Variants in SCYGR6 observed in about 807,000 individuals in gnomAD.
SCYGR6 encodes the protein small cysteine and glycine repeat-containing protein 6.
chr2:227,724,662 A>ACAGCCACCACCACAGCCGCCACCG (rs1696528995), exon 1 of SCYGR6: 1 of 404,020 alleles, frequency 2.5e-6, no homozygotes, highest in East Asian at 3.5e-5. Context: ...TGCAGCTGCC[A>ACAGCCACCACCACAGCCGCCACCG]CAGCCACCAC....
chr2:227,724,494 C>T, exon 1 of SCYGR6: 1 of 395,138 alleles, frequency 2.5e-6, no homozygotes. Flanking sequence ...AGCCCTTCTG[C>T]TGGCAACAGC....
exon 1 of SCYGR6, chr2:227,724,681 C>T (rs992506969): frequency 4.4e-5 from 18 of 408,844 alleles, no homozygotes; most frequent in Non-Finnish European, 6.4e-5. Context: ...ACCGCAGCCA[C>T]CACCACAGCC....
At chr2:227,724,459 T>C (rs766182149) in exon 1 of SCYGR6, 51 of 398,650 alleles carry the variant, frequency 1.3e-4, no homozygotes, top group Non-Finnish European at 2.1e-4. Flanking sequence ...GCATTGCTTC[T>C]TGCAGCAGCC....
rs558233384 is a variant in SCYGR6 at position 227,724,557 on chromosome 2, A to G, written c.201T>C (p.Cys67=). 18 of 398,146 alleles carry G rather than the reference A, an allele frequency of 4.5e-5. No individual in the cohort carries two copies. In the East Asian group the frequency reaches 5.8e-4, roughly 13 times the overall value. The allele number at this position is 398,146 out of a possible 1,614,324, so 24.7% of individuals were successfully genotyped here. Residue 67 remains cysteine (C), a synonymous_variant, in exon 1 of 1, where the codon TGT becomes TGC. Transcript: ENST00000641918. ...ATGAGTGGCAGGTGCGGCGGCAGCA[A>G]CAGATCACGGGCGTGCTGCAGCAGC...
exon 1 of SCYGR6, chr2:227,724,715 C>T: frequency 2.4e-6 from 1 of 411,628 alleles, no homozygotes; most frequent in Non-Finnish European, 4.2e-6. Flanking sequence ...CCACCGCAGC[C>T]ACCGCAGCCA....
chr2:227,724,485 GC>G lies in SCYGR6; in HGVS notation c.272del (p.Gly91AlafsTer?). The stretch of plus-strand genomic sequence containing the variant: ...TGCAGCAGCCCTTCTGCTGACAGCA[GC>G]CCTTCTGCTGGCAACAGCCCTTCCC... On this transcript the variant is annotated frameshift_variant, in exon 1 of 1. Transcript: ENST00000641918. LOFTEE classifies it high-confidence loss of function. 1 of 396,546 alleles carries G rather than the reference GC, an allele frequency of 2.5e-6. No individual in the cohort carries two copies. Among genetic ancestry groups the G allele is most frequent in the Non-Finnish European group, 4.4e-6 (1 of 225,532 alleles). 24.6% of individuals were successfully genotyped at this position (396,546 alleles called of 1,614,324 possible).
chr2:227,724,533 T>C (rs1442797769), exon 1 of SCYGR6: 3 of 397,684 alleles, frequency 7.5e-6, no homozygotes, highest in East Asian at 3.6e-5. Flanking sequence ...CGCAGCCACA[T>C]GAGTGGCAGG....
Position 227,724,742 on chromosome 2 carries a change from ACC to A in SCYGR6, c.14_15del (p.Gly5ValfsTer?). On this transcript the variant is annotated frameshift_variant, in exon 1 of 1. Transcript: ENST00000641918. LOFTEE classifies it low-confidence loss of function (END_TRUNC). ...CCGCAGCCACCACCGCAGCCACCAC[ACC>A]CACAGCAACCCATGGTGTCAGTAGA... The A allele has an allele frequency of 2.5e-6, 1 of 408,134 alleles. No homozygotes were observed. The highest frequency in any genetic ancestry group is 4.3e-6 in the Non-Finnish European group (1 of 233,972). 25.3% of individuals were successfully genotyped at this position (408,134 alleles called of 1,614,324 possible).
exon 1 of SCYGR6, chr2:227,724,712 A>G: frequency 4.9e-6 from 2 of 411,330 alleles, no homozygotes; most frequent in Non-Finnish European, 8.5e-6. Context: ...CCACCACCGC[A>G]GCCACCGCAG....
exon 1 of SCYGR6, chr2:227,724,483 C>T (rs1372076304): frequency 1.1e-4 from 45 of 395,338 alleles, no homozygotes; most frequent in Admixed American, 2.7e-4. Flanking sequence ...CTGCTGACAG[C>T]AGCCCTTCTG....
rs548118752 is a variant in SCYGR6 at position 227,724,730 on chromosome 2, C to T, written c.28G>A (p.Gly10Ser). The T allele has an allele frequency of 3.3e-3, 1,370 of 411,512 alleles. 20 individuals are homozygous for T. The highest frequency in any genetic ancestry group is 0.025 in the African/African-American group (1,207 of 48,854). The allele number at this position is 411,512 out of a possible 1,614,324, so 25.5% of individuals were successfully genotyped here. A position where few individuals can be genotyped will look rare whatever the true frequency, so the allele number is the denominator to read the frequency against. Residue 10 changes from glycine to serine, a missense_variant, in exon 1 of 1, where the codon GGT becomes AGT. Physicochemically the swap from Gly to Ser is moderately conservative, Grantham distance 56 (BLOSUM62 0). Transcript: ENST00000641918. Reference sequence around the variant, plus strand: ...CCACCGCAGCCACCGCAGCCACCACCGCAGCCACCACACCCACAGCAACCC... The same window carrying T: ...CCACCGCAGCCACCGCAGCCACCACTGCAGCCACCACACCCACAGCAACCC...
exon 1 of SCYGR6, chr2:227,724,633 C>T (rs1013119411): frequency 5.5e-5 from 22 of 401,608 alleles, no homozygotes; most frequent in Middle Eastern, 6.3e-4. Context: ...GCAGCCCACC[C>T]GGTAGCACCT....
rs564226101 is a variant in SCYGR6, at chr2:227,724,686, A to G, written c.72T>C (p.Cys24=). The change falls in exon 1 of 1, where the codon TGT becomes TGC. Residue 24 remains cysteine, a synonymous_variant. Coordinates refer to ENST00000641918, the Ensembl canonical transcript of SCYGR6. ...CACAGCCACCACCGCAGCCACCACC[A>G]CAGCCACCACTGCAGCCACCACCGC... is the stretch of plus-strand genomic sequence containing the variant. 8.0e-4 allele frequency: 328 copies of G among 409,362 alleles called. 1 individual carries two copies. Among genetic ancestry groups the G allele is most frequent in the East Asian group, 7.7e-3 (218 of 28,242 alleles). The allele number at this position is 409,362 out of a possible 1,614,324, so 25.4% of individuals were successfully genotyped here.
exon 1 of SCYGR6, chr2:227,724,668 A>T (rs1414951941): frequency 2.5e-6 from 1 of 405,498 alleles, no homozygotes; most frequent in East Asian, 3.5e-5. Context: ...TGCCACAGCC[A>T]CCACCGCAGC....
At chr2:227,724,678 C>A in exon 1 of SCYGR6, 1 of 408,200 alleles carries the variant, frequency 2.4e-6, no homozygotes, top group Non-Finnish European at 4.3e-6. Context: ...ACCACCGCAG[C>A]CACCACCACA....
At position 227,724,749 on chromosome 2, in the gene SCYGR6, G is replaced by T; in HGVS notation, c.9C>A (p.Cys3Ter). The T allele has an allele frequency of 2.5e-6, 1 of 407,964 alleles. No individual in the cohort carries two copies. Among genetic ancestry groups the T allele is most frequent in the Non-Finnish European group, 4.3e-6 (1 of 233,700 alleles). The allele number at this position is 407,964 out of a possible 1,614,324, so 25.3% of individuals were successfully genotyped here. Residue 3 changes from cysteine (C) to a stop codon, truncating the protein, a stop_gained, in exon 1 of 1, where the codon TGC (cysteine) becomes TGA (stop). Coordinates refer to ENST00000641918, the Ensembl canonical transcript of SCYGR6. LOFTEE classifies it low-confidence loss of function (END_TRUNC). ...CACCACCGCAGCCACCACACCCACA[G>T]CAACCCATGGTGTCAGTAGAGAGGA...
At chr2:227,724,542 G>C (rs1037439010) in exon 1 of SCYGR6, 34 of 398,074 alleles carry the variant, frequency 8.5e-5, no homozygotes, top group Admixed American at 1.3e-4. Flanking sequence ...ATGAGTGGCA[G>C]GTGCGGCGGC....
exon 1 of SCYGR6, chr2:227,724,477 T>C (rs967207975): frequency 1.1e-4 from 41 of 359,760 alleles, no homozygotes; most frequent in Non-Finnish European, 1.7e-4. Context: ...GCCCTTCTGC[T>C]GACAGCAGCC....
chr2:227,724,614 G>C (rs1260931067), exon 1 of SCYGR6: 1 of 399,848 alleles, frequency 2.5e-6, no homozygotes, highest in Admixed American at 4.4e-5. Context: ...AGGGGCAGCA[G>C]CTGGAGCAGC....
Sources: allele counts gnomAD v4.1 joint callset, GRCh38; gene constraint gnomAD v4.1.1; transcripts MANE v1.5; gene names NCBI Gene and HGNC (gene_info 2026-07-23, HGNC 2026-07-21).